MROH9: variants seen among roughly 807,000 people sequenced by gnomAD.
The protein encoded by MROH9 is maestro heat like repeat family member 9, also known as maestro heat-like repeat-containing protein family member 9.
Under a neutral mutation model 98.2 loss-of-function variants are expected in MROH9, and 92 were observed. The ratio of observed to expected loss-of-function variants is 0.94; its 90% CI spans 0.79 to 1.11. The LOEUF is 1.11. MROH9 is among the 50% of genes most tolerant of loss of function. MROH9 has a pLI of 0.00. For missense variants in MROH9, 1,057 were observed against 1,014.8 expected, an observed-to-expected ratio of 1.04 and a Z score of -0.57; for synonymous variants, 397 against 368.9, an observed-to-expected ratio of 1.08 and a Z score of -0.87.
At chr1:171,041,801 T>C (rs1048543319) in intron 20 of MROH9, among the ~76,000 whole-genome samples, 2 of 152,080 alleles carry the variant, frequency 1.3e-5, no homozygotes, top group African/African-American at 4.8e-5. Context: ...TAGTTTTAAT[T>C]TGTATTTCAC....
intron 3 of MROH9, among the ~76,000 whole-genome samples, chr1:170,948,247 C>T (rs78219420): frequency 0.033 from 5,049 of 151,946 alleles, 103 homozygotes; most frequent in Middle Eastern, 0.075. Flanking sequence ...GGAGGGCTAC[C>T]ATAAGAAAAT....
At chr1:170,981,547 G>A (rs1650929178) in intron 8 of MROH9, among the ~76,000 whole-genome samples, 1 of 152,092 alleles carries the variant, frequency 6.6e-6, no homozygotes, top group African/African-American at 2.4e-5. Context: ...TCTTAAGTGG[G>A]AGTTGAGCAT....
chr1:170,943,297 CA>C (rs1357668510), intron 1 of MROH9, among the ~76,000 whole-genome samples: 1 of 151,644 alleles, frequency 6.6e-6, no homozygotes, highest in Non-Finnish European at 1.5e-5. Flanking sequence ...AAAAATACTC[CA>C]AAAGCAATGT....
At chr1:171,019,164 C>T (rs1652428396) in intron 17 of MROH9, among the ~76,000 whole-genome samples, 1 of 152,200 alleles carries the variant, frequency 6.6e-6, no homozygotes, top group South Asian at 2.1e-4. Context: ...AAGAAACTCA[C>T]TCAAAAGCAC....
At chr1:170,983,874 G>A (rs531497348) in intron 9 of MROH9, among the ~76,000 whole-genome samples, 6 of 152,156 alleles carry the variant, frequency 3.9e-5, no homozygotes, top group East Asian at 3.9e-4. Flanking sequence ...ATTAACAGTC[G>A]TCAGTTAACA....
At chr1:170,950,898 T>G (rs992044615) in intron 3 of MROH9, among the ~76,000 whole-genome samples, 1 of 152,100 alleles carries the variant, frequency 6.6e-6, no homozygotes, top group Non-Finnish European at 1.5e-5. Flanking sequence ...TCCTCCATTT[T>G]GTCTTAATTT....
At chr1:171,041,402 G>GACAC (rs1351548946) in intron 20 of MROH9, among the ~76,000 whole-genome samples, 1 of 28,236 alleles carries the variant, frequency 3.5e-5, no homozygotes, top group African/African-American at 8.5e-5. Context: ...TATTGGTCAA[G>GACAC]ATACATACAC....
intron 15 of MROH9, among the ~76,000 whole-genome samples, chr1:170,999,096 T>G (rs2101817453): frequency 6.6e-6 from 1 of 152,274 alleles, no homozygotes; most frequent in African/African-American, 2.4e-5. Flanking sequence ...TTTATTGAAT[T>G]GACTATTCTT....
chr1:170,971,089 TC>T (rs1650440688), intron 7 of MROH9, among the ~76,000 whole-genome samples: 1 of 152,184 alleles, frequency 6.6e-6, no homozygotes, highest in Non-Finnish European at 1.5e-5. Flanking sequence ...CTCTTTTCTC[TC>T]TCTACTCCCT....
At chr1:170,937,715 G>A (rs1421121490) in intron 1 of MROH9, among the ~76,000 whole-genome samples, 1 of 151,606 alleles carries the variant, frequency 6.6e-6, no homozygotes, top group African/African-American at 2.4e-5. Flanking sequence ...AGTAGAGACG[G>A]GGTTTCACCG....
chr1:170,973,101 G>A (rs1352264221), intron 8 of MROH9, among the ~76,000 whole-genome samples: 4 of 149,228 alleles, frequency 2.7e-5, no homozygotes, highest in African/African-American at 7.4e-5. Flanking sequence ...GAGTACATGA[G>A]TGCATGCACA....
intron 17 of MROH9, among the ~76,000 whole-genome samples, chr1:171,018,250 C>T (rs1175121237): frequency 6.6e-6 from 1 of 151,902 alleles, no homozygotes; most frequent in African/African-American, 2.4e-5. Context: ...GGGAGCAAAT[C>T]AGATGAATAG....
chr1:170,984,974 A>G (rs1651075854), intron 9 of MROH9, among the ~76,000 whole-genome samples: 1 of 152,204 alleles, frequency 6.6e-6, no homozygotes, highest in African/African-American at 2.4e-5. Context: ...CTAACCATGG[A>G]AGCTGGAAGC....
chr1:170,956,441 C>T (rs1232299067), intron 3 of MROH9, among the ~76,000 whole-genome samples: 5 of 152,080 alleles, frequency 3.3e-5, no homozygotes. Flanking sequence ...TTCTACCCAT[C>T]CATGAGCATG....
At chr1:171,056,606 A>C (rs970855811) in intron 20 of MROH9, among the ~76,000 whole-genome samples, 1 of 152,124 alleles carries the variant, frequency 6.6e-6, no homozygotes, top group East Asian at 1.9e-4. Context: ...CTAGCAAAGC[A>C]CACCCCTGCA....
chr1:171,064,003 G>A, intron 21 of MROH9, 96 bp from the exon 22 acceptor site: 1 of 1,215,592 alleles, frequency 8.2e-7, no homozygotes, highest in Non-Finnish European at 1.1e-6. Flanking sequence ...GAGAGAAGGG[G>A]GCACTCTGTG....
intron 16 of MROH9, among the ~76,000 whole-genome samples, chr1:171,015,617 A>G (rs1652300023): frequency 6.6e-6 from 1 of 151,728 alleles, no homozygotes; most frequent in African/African-American, 2.4e-5. Context: ...ATTGACTCCC[A>G]TGACCTGCCT....
chr1:171,003,145 CT>C (rs1651837977), intron 15 of MROH9, among the ~76,000 whole-genome samples: 1 of 152,058 alleles, frequency 6.6e-6, no homozygotes, highest in African/African-American at 2.4e-5. Flanking sequence ...CTCTTCACTT[CT>C]TGTATCATTT....
chr1:170,937,590 C>T (rs1166390859), intron 1 of MROH9, among the ~76,000 whole-genome samples: 4 of 141,800 alleles, frequency 2.8e-5, no homozygotes, highest in African/African-American at 1.1e-4. Flanking sequence ...GGCGGGATCT[C>T]GGCTCACTGC....
Sources: allele counts gnomAD v4.1 joint callset (sites outside exome capture counted in the v4.1 genomes callset), GRCh38; gene constraint gnomAD v4.1.1; transcripts MANE v1.5; gene names NCBI Gene and HGNC (gene_info 2026-07-23, HGNC 2026-07-21).